Variants in PCNT observed in about 807,000 individuals in gnomAD.
The protein encoded by PCNT is pericentrin.
A neutral mutation model predicts 380.4 loss-of-function variants in PCNT; 319 were observed. The ratio of observed to expected loss-of-function variants is 0.84; its 90% CI spans 0.77 to 0.92. PCNT has a LOEUF of 0.92. PCNT is among the 40% of genes least tolerant of loss of function. The pLI, the probability that PCNT is intolerant of heterozygous loss-of-function variation, is 0.00. For synonymous variants in PCNT, 1,845 were observed against 1,735.2 expected (o/e 1.06, Z -1.57); for missense variants, 4,400 against 4,255.3 (o/e 1.03, Z -0.95).
chr21:46,325,012 G>C (rs908909730), intron 1 of PCNT: 1 of 985,192 alleles, frequency 1.0e-6, no homozygotes, highest in Admixed American at 6.1e-5. Context: ...CCCACGCGGC[G>C]CTGGCGCCGG....
chr21:46,328,256 T>TG (rs1178307120), intron 2 of PCNT, among the ~76,000 whole-genome samples: 1 of 44,944 alleles, frequency 2.2e-5, no homozygotes, highest in Admixed American at 2.0e-4. Context: ...GTTGGTGTGT[T>TG]TTTTTTTTTT....
chr21:46,349,972 C>CT (rs1408062188), intron 8 of PCNT, 152 bp downstream of exon 8: 9 of 832,918 alleles, frequency 1.1e-5, no homozygotes, highest in South Asian at 4.3e-5. Context: ...GCCTGTAACT[C>CT]TATCACTTTG....
At chr21:46,376,784 G>A (rs1487042621) in intron 15 of PCNT, among the ~76,000 whole-genome samples, 2 of 152,214 alleles carry the variant, frequency 1.3e-5, no homozygotes, top group Non-Finnish European at 2.9e-5. Flanking sequence ...GTATCAGCAA[G>A]GTAATTAAAG....
rs1322992068 is a variant in PCNT, at chr21:46,416,485, T to A, written c.6567T>A (p.Ser2189=). The change falls in exon 30 of 47, where the codon TCT becomes TCA. Residue 2189 remains serine, a synonymous_variant. Transcript: ENST00000359568. The part of the protein sequence containing the change: ...IQEKSECQDM[S]LSSPTSVLGG... ...AAAAATCAGAATGTCAGGACATGTCTCTTTCTTCACCGACCAGCGTACTTG... is the reference window on the plus strand; with the variant it reads ...AAAAATCAGAATGTCAGGACATGTCACTTTCTTCACCGACCAGCGTACTTG... 1.2e-6 allele frequency: 2 copies of A among 1,613,982 alleles called. No homozygotes were observed. Among genetic ancestry groups the A allele is most frequent in the Non-Finnish European group, 1.7e-6 (2 of 1,180,038 alleles).
rs766002154 is a variant in PCNT at position 46,334,800 on chromosome 21, CT to C, written c.639+35del. 3.7e-6 allele frequency: 6 copies of C among 1,614,170 alleles called. No individual in the cohort carries two copies. In the South Asian group the frequency reaches 4.4e-5, roughly 12 times the overall value. On this transcript the variant is annotated intron_variant, in intron 3 of 46. Coordinates refer to ENST00000359568, the MANE Select transcript of PCNT (RefSeq NM_006031.6). ...TTTAAGTTCTCTGTTAAGGTGTATT[CT>C]TTGTCAAAAGATTTCTTTATGTTGT...
In PCNT at chr21:46,428,377, G is replaced by T; in HGVS notation, c.7495-18G>T. ...TGGCTGCCCAATGCTCAGGCTGCTTGTCCCATTGTGCCCCCAGGGAGACCT... is the reference window on the plus strand; with the variant it reads ...TGGCTGCCCAATGCTCAGGCTGCTTTTCCCATTGTGCCCCCAGGGAGACCT... On this transcript the variant is annotated intron_variant, in intron 34 of 46. Coordinates refer to ENST00000359568, the MANE Select transcript of PCNT (RefSeq NM_006031.6). The T allele has an allele frequency of 6.2e-7, 1 of 1,610,016 alleles. No individual in the cohort carries two copies. The highest frequency in any genetic ancestry group is 8.5e-7 in the Non-Finnish European group (1 of 1,178,472).
In PCNT at chr21:46,425,589, T is replaced by G. The variant is rs1039069353; in HGVS notation, c.7180-242T>G. The stretch of plus-strand genomic sequence containing the variant: ...GCGGGGCCATCTTTGGAGTGGCTTA[T>G]AGAGAAATTCACTCCAAGCCTGGCT... On this transcript the variant is annotated intron_variant, in intron 32 of 46. Transcript: ENST00000359568. The surrounding 1 kb of genome is among the most constrained non-coding windows in gnomAD (Gnocchi z 4.2). Among the ~76,000 whole-genome samples the G allele has an allele frequency of 6.6e-6, 1 of 152,208 alleles. No individual in the cohort carries two copies. The highest frequency in any genetic ancestry group is 1.5e-5 in the Non-Finnish European group (1 of 68,028).
intron 43 of PCNT, among the ~76,000 whole-genome samples, chr21:46,441,554 TG>T: frequency 6.6e-6 from 1 of 152,206 alleles, no homozygotes. Context: ...GGCTGCAGGC[TG>T]GGCCAAAGTG....
chr21:46,338,170 G>C (rs1054808489), intron 3 of PCNT, among the ~76,000 whole-genome samples: 1 of 151,916 alleles, frequency 6.6e-6, no homozygotes, highest in Non-Finnish European at 1.5e-5. Context: ...GAGCCACCTC[G>C]CCCACCCTAA....
intron 15 of PCNT, among the ~76,000 whole-genome samples, chr21:46,369,484 C>T: frequency 6.6e-6 from 1 of 152,256 alleles, no homozygotes; most frequent in Non-Finnish European, 1.5e-5. Flanking sequence ...CAGATGCCAG[C>T]TTCAGTTTCC....
At chr21:46,329,735 C>T (rs940039459) in intron 2 of PCNT, among the ~76,000 whole-genome samples, 6 of 152,090 alleles carry the variant, frequency 3.9e-5, no homozygotes, top group African/African-American at 1.4e-4. Flanking sequence ...GGCAAGATGG[C>T]CAAGGTAAAG....
In PCNT at chr21:46,414,808, A is replaced by G. The variant is rs567099947; in HGVS notation, c.6151-1261A>G. Among the ~76,000 whole-genome samples the G allele has an allele frequency of 1.4e-3, 182 of 132,762 alleles. 1 individual carries two copies. Among genetic ancestry groups the G allele is most frequent in the Admixed American group, 2.5e-3 (34 of 13,384 alleles). The allele number at this position is 132,762 out of a possible 152,430, so 87.1% of individuals were successfully genotyped here. A position where few individuals can be genotyped will look rare whatever the true frequency, so the allele number is the denominator to read the frequency against. On this transcript the variant is annotated intron_variant, in intron 29 of 46. Transcript: ENST00000359568. Reference sequence around the variant, plus strand: ...GCCGCCCACTCTCCTCCTCCTGGACATGCAGCCGCCCACCCTGCTCCTCCT... The same window carrying G: ...GCCGCCCACTCTCCTCCTCCTGGACGTGCAGCCGCCCACCCTGCTCCTCCT...
intron 2 of PCNT, among the ~76,000 whole-genome samples, chr21:46,331,957 C>T (rs1190452989): frequency 2.6e-5 from 4 of 152,022 alleles, no homozygotes; most frequent in Admixed American, 6.6e-5. Context: ...GTCAGGAGTT[C>T]GAGACCAGCC....
chr21:46,398,126 G>C lies in PCNT; in HGVS notation c.4559G>C (p.Ser1520Thr). ...AKPQPWGPRD[S>T]QQAPLDGEVE... The stretch of plus-strand genomic sequence containing the variant: ...CCGCAGCCCTGGGGCCCTCGCGACA[G>C]CCAGGTGAGTCAGTGCAGCGTGCAG... The change falls in exon 23 of 47, where the codon AGC becomes ACC. Residue 1520 changes from serine (S) to threonine (T), a missense_variant. Physicochemically the swap from Ser to Thr is moderately conservative, Grantham distance 58 (BLOSUM62 1). Coordinates refer to ENST00000359568, the MANE Select transcript of PCNT (RefSeq NM_006031.6). The C allele has an allele frequency of 2.5e-6, 4 of 1,606,820 alleles. No homozygotes were observed. The highest frequency in any genetic ancestry group is 2.5e-6 in the Non-Finnish European group (3 of 1,177,322).
intron 33 of PCNT, among the ~76,000 whole-genome samples, chr21:46,426,789 G>T (rs1396025644): frequency 6.6e-6 from 1 of 152,184 alleles, no homozygotes; most frequent in East Asian, 1.9e-4. Context: ...TTGTGGAGTG[G>T]GTGCCAACTC....
intron 14 of PCNT, among the ~76,000 whole-genome samples, chr21:46,364,694 G>C (rs1304108457): frequency 6.6e-6 from 1 of 152,060 alleles, no homozygotes; most frequent in East Asian, 1.9e-4. Flanking sequence ...CCCTTTTTGC[G>C]AGCCTCAGTC....
At chr21:46,343,001 T>A (rs2083953055) in intron 3 of PCNT, among the ~76,000 whole-genome samples, 1 of 152,136 alleles carries the variant, frequency 6.6e-6, no homozygotes, top group African/African-American at 2.4e-5. Flanking sequence ...TGCTACTGAT[T>A]TGTGTATGTT....
intron 3 of PCNT, among the ~76,000 whole-genome samples, chr21:46,339,633 GC>G (rs767840740): frequency 2.8e-4 from 42 of 152,182 alleles, no homozygotes; most frequent in African/African-American, 1.7e-4. Context: ...ACGCTCTTCT[GC>G]CTGGTTTTAT....
chr21:46,397,730 T>C (rs1224258314), intron 22 of PCNT, among the ~76,000 whole-genome samples: 1 of 152,154 alleles, frequency 6.6e-6, no homozygotes, highest in African/African-American at 2.4e-5. Context: ...CTTCTCACAG[T>C]CACGGAGGCG....
Sources: gnomAD v4.1 joint callset for allele counts (sites outside exome capture counted in the v4.1 genomes callset) on GRCh38, gnomAD v4.1.1 for gene constraint, Gnocchi (gnomAD v3.1) non-coding constraint, MANE v1.5 for transcripts, NCBI Gene and HGNC (gene_info 2026-07-23, HGNC 2026-07-21) for gene names.